NR2F1-AS1: variants seen among roughly 807,000 people sequenced by gnomAD.
NR2F1-AS1 encodes the protein NR2F1 antisense RNA 1.
At chr5:93,554,194 A>C (rs1752297240) in intron 3 of NR2F1-AS1, among the ~76,000 whole-genome samples, 2 of 152,216 alleles carry the variant, frequency 1.3e-5, no homozygotes, top group Non-Finnish European at 2.9e-5. Flanking sequence ...TGCTCAAAAC[A>C]TGAAAGCATG....
intron 4 of NR2F1-AS1, among the ~76,000 whole-genome samples, chr5:93,440,649 T>G (rs886439813): frequency 1.3e-5 from 2 of 152,126 alleles, no homozygotes; most frequent in African/African-American, 2.4e-5. Flanking sequence ...AGTAAATCTC[T>G]CACTCACTCA....
rs866179717 is a variant in NR2F1-AS1, at chr5:93,460,153, G to T, written n.639-64611C>A. Reference sequence around the variant, plus strand: ...CTTGATGAAAACGCCCTGGAATGAGGATAAGAAGATGCAAAGAAACAACTG... The same window carrying T: ...CTTGATGAAAACGCCCTGGAATGAGTATAAGAAGATGCAAAGAAACAACTG... On this transcript the variant is annotated intron_variant and non_coding_transcript_variant, in intron 4 of 5. Coordinates refer to ENST00000660523, the Ensembl canonical transcript of NR2F1-AS1. Among the ~76,000 whole-genome samples the T allele has an allele frequency of 3.4e-4, 52 of 152,164 alleles. 1 individual carries two copies. The South Asian group carries it at 0.01, about 30-fold the overall frequency.
intron 4 of NR2F1-AS1, among the ~76,000 whole-genome samples, chr5:93,536,844 C>T (rs1040430077): frequency 5.3e-5 from 8 of 152,252 alleles, no homozygotes; most frequent in African/African-American, 1.9e-4. Context: ...GTGGAAGGGA[C>T]CTGGTGGGAG....
intron 4 of NR2F1-AS1, among the ~76,000 whole-genome samples, chr5:93,494,333 A>T (rs1440844798): frequency 3.3e-5 from 5 of 152,218 alleles, no homozygotes; most frequent in Non-Finnish European, 7.3e-5. Context: ...TCAAAAAAAT[A>T]AAAAATGTTG....
chr5:93,426,158 G>A (rs1749191162), intron 4 of NR2F1-AS1, among the ~76,000 whole-genome samples: 1 of 151,424 alleles, frequency 6.6e-6, no homozygotes, highest in South Asian at 2.1e-4. Flanking sequence ...AGGTATTCTT[G>A]TGCCTCAGCC....
chr5:93,570,782 C>T (rs1031254431), intron 1 of NR2F1-AS1: 3 of 152,244 alleles, frequency 2.0e-5, no homozygotes, highest in African/African-American at 7.2e-5. Flanking sequence ...CGCGGGGGAC[C>T]GCACTAGCGT....
At chr5:93,557,691 G>A (rs114885310) in intron 2 of NR2F1-AS1, among the ~76,000 whole-genome samples, 1,720 of 152,224 alleles carry the variant, frequency 0.011, 40 homozygotes, top group African/African-American at 0.04. Context: ...GGTGATTGCC[G>A]AAGTTTGGGT....
At chr5:93,478,047 G>A (rs1275327954) in intron 4 of NR2F1-AS1, among the ~76,000 whole-genome samples, 4 of 152,104 alleles carry the variant, frequency 2.6e-5, no homozygotes, top group Admixed American at 2.6e-4. Flanking sequence ...TTTTAAATGG[G>A]AAAGAAGCCA....
chr5:93,418,066 A>G (rs749703800), intron 4 of NR2F1-AS1, among the ~76,000 whole-genome samples: 15 of 152,304 alleles, frequency 9.8e-5, no homozygotes, highest in Non-Finnish European at 1.6e-4. Context: ...GCCTTGGGAC[A>G]CAAGCAAAGC....
chr5:93,505,247 C>T (rs1295562700), intron 4 of NR2F1-AS1, among the ~76,000 whole-genome samples: 1 of 152,200 alleles, frequency 6.6e-6, no homozygotes. Flanking sequence ...TTCCCATGGT[C>T]TTGGGCAGCT....
upstream of NR2F1-AS1, among the ~76,000 whole-genome samples, chr5:93,582,951 G>C (rs188594715): frequency 2.0e-5 from 3 of 152,008 alleles, no homozygotes; most frequent in East Asian, 1.9e-4. Context: ...AGCTAAGCGG[G>C]GGGGGGAGAA....
chr5:93,435,681 C>T (rs1413230229), intron 4 of NR2F1-AS1, among the ~76,000 whole-genome samples: 3 of 152,190 alleles, frequency 2.0e-5, no homozygotes, highest in Admixed American at 1.3e-4. Flanking sequence ...CTCGCTCCCC[C>T]ATTTCCTTCA....
chr5:93,458,591 G>C (rs1750005461), intron 4 of NR2F1-AS1, among the ~76,000 whole-genome samples: 1 of 151,916 alleles, frequency 6.6e-6, no homozygotes, highest in African/African-American at 2.4e-5. Context: ...AAATATATGA[G>C]GAAATATTTG....
intron 4 of NR2F1-AS1, among the ~76,000 whole-genome samples, chr5:93,434,780 G>A (rs1198665008): frequency 6.6e-6 from 1 of 152,038 alleles, no homozygotes; most frequent in Non-Finnish European, 1.5e-5. Flanking sequence ...AATAGTACAT[G>A]CAATTTCCTT....
At chr5:93,557,326 C>G (rs1373943728) in intron 2 of NR2F1-AS1, among the ~76,000 whole-genome samples, 2 of 152,284 alleles carry the variant, frequency 1.3e-5, no homozygotes, top group East Asian at 3.9e-4. Flanking sequence ...GGAATGGGCT[C>G]TGAAGTAACA....
At chr5:93,479,102 C>A (rs1265514763) in intron 4 of NR2F1-AS1, among the ~76,000 whole-genome samples, 2 of 152,126 alleles carry the variant, frequency 1.3e-5, no homozygotes, top group Non-Finnish European at 2.9e-5. Context: ...TGGTGAATTT[C>A]AGTGTTATGT....
intron 4 of NR2F1-AS1, among the ~76,000 whole-genome samples, chr5:93,463,114 G>T (rs188317886): frequency 2.0e-3 from 306 of 152,274 alleles, no homozygotes; most frequent in Non-Finnish European, 2.2e-3. Context: ...CCCATCACAG[G>T]CCCAGAGACC....
At chr5:93,498,100 G>A (rs1025856580) in intron 4 of NR2F1-AS1, among the ~76,000 whole-genome samples, 1 of 151,950 alleles carries the variant, frequency 6.6e-6, no homozygotes, top group Non-Finnish European at 1.5e-5. Flanking sequence ...AAGGAAAGAG[G>A]GTTACTTGAG....
chr5:93,557,899 C>A (rs189745313), intron 2 of NR2F1-AS1, among the ~76,000 whole-genome samples: 2 of 152,320 alleles, frequency 1.3e-5, no homozygotes, highest in Non-Finnish European at 2.9e-5. Flanking sequence ...TGTTCTAAAT[C>A]TGTTATTACT....
Sources: allele counts gnomAD v4.1 joint callset (sites outside exome capture counted in the v4.1 genomes callset), GRCh38; gene constraint gnomAD v4.1.1; transcripts MANE v1.5; gene names NCBI Gene and HGNC (gene_info 2026-07-23, HGNC 2026-07-21).